The following LRPAP1 variants were observed in gnomAD, a reference collection of about 807,000 sequenced individuals.
LRPAP1 encodes alpha-2-macroglobulin receptor-associated protein.
Under a neutral mutation model 39.9 loss-of-function variants are expected in LRPAP1, and 41 were observed. That is an observed-to-expected ratio of 1.03 (90% confidence interval 0.80 to 1.33). The LOEUF is 1.33. Ranked by LOEUF, LRPAP1 falls within the 40% of genes most tolerant of loss-of-function variation. The pLI is 0.00. For missense variants in LRPAP1, 565 were observed against 482.3 expected, an observed-to-expected ratio of 1.17 and a Z score of -1.61; for synonymous variants, 263 against 212.7, an observed-to-expected ratio of 1.24 and a Z score of -2.06.
At chr4:3,523,222 C>T (rs886112465) in intron 2 of LRPAP1, among the ~76,000 whole-genome samples, 2 of 152,136 alleles carry the variant, frequency 1.3e-5, no homozygotes, top group Non-Finnish European at 2.9e-5. Flanking sequence ...TCCTCCAGGC[C>T]CCGAATGCTG....
Position 3,511,309 on chromosome 4 carries a change from C to T in LRPAP1, c.*1665G>A, listed in dbSNP as rs774228600. 3 of 140,204 alleles carry T rather than the reference C, an allele frequency of 2.1e-5. No individual in the cohort carries two copies. The highest frequency in any genetic ancestry group is 3.0e-5 in the Non-Finnish European group (2 of 66,620). 8.7% of individuals were successfully genotyped at this position (140,204 alleles called of 1,614,324 possible). On this transcript the variant is annotated 3_prime_UTR_variant, in exon 8 of 8. Coordinates refer to ENST00000650182, the MANE Select transcript of LRPAP1 (RefSeq NM_002337.4). ...TGTTATTACCCCAGAAAGGAAGCAA[C>T]TCAAATATCCACCCACAATAAAGTG...
chr4:3,527,295 C>A (rs1206946601), intron 1 of LRPAP1, among the ~76,000 whole-genome samples: 1 of 152,156 alleles, frequency 6.6e-6, no homozygotes, highest in South Asian at 2.1e-4. Flanking sequence ...GTGCCCTGGA[C>A]ACTTGCCTGC....
chr4:3,523,336 A>G (rs1729976960), intron 2 of LRPAP1, among the ~76,000 whole-genome samples: 2 of 152,144 alleles, frequency 1.3e-5, no homozygotes, highest in South Asian at 4.1e-4. Context: ...GGACGCAACC[A>G]TCCAGAATTG....
At chr4:3,514,968 G>A (rs769626884) in intron 6 of LRPAP1, 40 bp from the exon 7 acceptor site, 6 of 1,598,186 alleles carry the variant, frequency 3.8e-6, no homozygotes, top group Non-Finnish European at 5.1e-6. Context: ...CCCTTCCCGT[G>A]CTCGCCACGC....
chr4:3,518,201 C>T lies in LRPAP1; in HGVS notation c.593-9G>A, dbSNP rs762806531. On this transcript the variant is annotated splice_polypyrimidine_tract_variant and intron_variant, in intron 4 of 7. Coordinates refer to ENST00000650182, the MANE Select transcript of LRPAP1 (RefSeq NM_002337.4). ...GACGTTCTCGTGGATTTCTGTAAAA[C>T]CGAAGGCAGGACGCCATGAGGCTGG... is the stretch of plus-strand genomic sequence containing the variant. 9 of 1,606,098 alleles carry T rather than the reference C, an allele frequency of 5.6e-6. No individual in the cohort carries two copies. The highest frequency in any genetic ancestry group is 1.7e-5 in the Admixed American group (1 of 59,668).
rs1407785591 is a variant in LRPAP1 at position 3,511,930 on chromosome 4, CGGG to C, written c.*1041_*1043del. On this transcript the variant is annotated 3_prime_UTR_variant, in exon 8 of 8. Transcript: ENST00000650182. ...CCCGAGCCTCTTCCAGGCTCAGACA[CGGG>C]AAGGGAACCACGCTCGGAGCCGGAC... The C allele has an allele frequency of 2.6e-3, 77 of 29,610 alleles. 29 individuals are homozygous for C. The highest frequency in any genetic ancestry group is 2.8e-3 in the East Asian group (4 of 1,414). 1.8% of individuals were successfully genotyped at this position (29,610 alleles called of 1,614,324 possible).
chr4:3,517,321 G>A (rs73793981), intron 5 of LRPAP1, among the ~76,000 whole-genome samples: 1,530 of 152,354 alleles, frequency 0.01, 26 homozygotes, highest in African/African-American at 0.035. Flanking sequence ...CCTGGCACCG[G>A]GGACAGAGAC....
At chr4:3,516,419 C>T (rs1729706196) in intron 5 of LRPAP1, among the ~76,000 whole-genome samples, 1 of 152,270 alleles carries the variant, frequency 6.6e-6, no homozygotes, top group Non-Finnish European at 1.5e-5. Context: ...TCTCTGTCCC[C>T]TTGGCCAAAC....
In LRPAP1 at chr4:3,530,843, G is replaced by A. The variant is rs190115998; in HGVS notation, c.204+1366C>T. On this transcript the variant is annotated intron_variant, in intron 1 of 7. Coordinates refer to ENST00000650182, the MANE Select transcript of LRPAP1 (RefSeq NM_002337.4). ...AAGACTTGGGCCAGCACCCAAAAGG[G>A]AGCCGCTGGGGTTCCTGGGTCCGAG... is the stretch of plus-strand genomic sequence containing the variant. 2.3e-3 allele frequency among the ~76,000 whole-genome samples: 356 copies of A among 152,260 alleles called. 3 individuals are homozygous for A. Among genetic ancestry groups the A allele is most frequent in the Non-Finnish European group, 4.1e-3 (279 of 67,998 alleles).
chr4:3,507,807 G>A lies in LRPAP1; in HGVS notation c.*5167C>T, dbSNP rs1319944772. 6.6e-6 allele frequency: 1 copy of A among 152,166 alleles called. No homozygotes were observed. The highest frequency in any genetic ancestry group is 1.5e-5 in the Non-Finnish European group (1 of 68,020). 9.4% of individuals were successfully genotyped at this position (152,166 alleles called of 1,614,324 possible). On this transcript the variant is annotated 3_prime_UTR_variant, in exon 8 of 8. Coordinates refer to ENST00000650182, the MANE Select transcript of LRPAP1 (RefSeq NM_002337.4). ...GTAGGTTTCTTTGGGGAAAATATCT[G>A]TAAAAATGATAAACTCTTAGCTAGT...
At position 3,524,964 on chromosome 4, in the gene LRPAP1, G is replaced by A. The variant is rs1730035290; in HGVS notation, c.292C>T (p.Leu98Phe). ...RDELAWKKLK[L>F]DGLDEDGEKE... Reference sequence around the variant, plus strand: ...TCCCCATCTTCGTCCAAGCCGTCAAGCTTTAGTTTCTTCCAGGCGAGTTCG... The same window carrying A: ...TCCCCATCTTCGTCCAAGCCGTCAAACTTTAGTTTCTTCCAGGCGAGTTCG... Residue 98 changes from leucine to phenylalanine, a missense_variant, in exon 2 of 8, where the codon CTT becomes TTT. By Grantham distance (22) the Leu-to-Phe change is conservative (BLOSUM62 0). Coordinates refer to ENST00000650182, the MANE Select transcript of LRPAP1 (RefSeq NM_002337.4). 1.2e-6 allele frequency: 2 copies of A among 1,614,056 alleles called. No individual in the cohort carries two copies. Among genetic ancestry groups the A allele is most frequent in the African/African-American group, 2.7e-5 (2 of 74,934 alleles).
rs1427605305 is a variant in LRPAP1, at chr4:3,524,165, G to C, written c.349+742C>G. Among the ~76,000 whole-genome samples the C allele has an allele frequency of 3.9e-5, 6 of 152,286 alleles. No individual in the cohort carries two copies. The South Asian group carries it at 1.2e-3, about 32-fold the overall frequency. On this transcript the variant is annotated intron_variant, in intron 2 of 7. Transcript: ENST00000650182. The stretch of plus-strand genomic sequence containing the variant: ...CTCTGCCCGCCAGTGCCCTGCCGAC[G>C]GGCCCGTGGTGAGGGAGGATGGCGG...
chr4:3,504,925 C>A lies in LRPAP1; in HGVS notation c.*8049G>T, dbSNP rs930399018. Among the ~76,000 whole-genome samples, 1 of 149,540 alleles carries A rather than the reference C, an allele frequency of 6.7e-6. No homozygotes were observed. The highest frequency in any genetic ancestry group is 2.5e-5 in the African/African-American group (1 of 40,616). On this transcript the variant is annotated 3_prime_UTR_variant, in exon 8 of 8. Transcript: ENST00000650182. ...TCGCACCAACGCACTCCAGCCTGGG[C>A]GACAGAGCAAGACTCCGTCTCAAGA...
intron 4 of LRPAP1, 151 bp from the exon 5 acceptor site, chr4:3,518,343 G>A (rs1472241149): frequency 7.2e-6 from 6 of 827,706 alleles, no homozygotes; most frequent in Non-Finnish European, 9.0e-6. Context: ...CAGCGCCGCA[G>A]AAACGACCGT....
chr4:3,512,342 CCA>C lies in LRPAP1; in HGVS notation c.*630_*631del, dbSNP rs1244230239. 1.3e-5 allele frequency: 2 copies of C among 152,532 alleles called. No individual in the cohort carries two copies. Among genetic ancestry groups the C allele is most frequent in the South Asian group, 2.1e-4 (1 of 4,846 alleles). The allele number at this position is 152,532 out of a possible 1,614,324, so 9.4% of individuals were successfully genotyped here. A position where few individuals can be genotyped will look rare whatever the true frequency, so the allele number is the denominator to read the frequency against. Reference sequence around the variant, plus strand: ...AGAGTTGAAAGACGCTGCCCCCAGGCCACAGTCTCTGACTGTCCACAGAACCA... The same window carrying C: ...AGAGTTGAAAGACGCTGCCCCCAGGCCAGTCTCTGACTGTCCACAGAACCA... On this transcript the variant is annotated 3_prime_UTR_variant, in exon 8 of 8. Transcript: ENST00000650182.
At chr4:3,524,259 C>G (rs1286014743) in intron 2 of LRPAP1, among the ~76,000 whole-genome samples, 1 of 152,224 alleles carries the variant, frequency 6.6e-6, no homozygotes, top group Non-Finnish European at 1.5e-5. Flanking sequence ...GAGGACACAC[C>G]TGTCTTCCGT....
chr4:3,520,104 C>A lies in LRPAP1; in HGVS notation c.439G>T (p.Asp147Tyr). 6.2e-7 allele frequency: 1 copy of A among 1,614,206 alleles called. No individual in the cohort carries two copies. ...SLSGTQEDGL[D>Y]DPRLEKLWHK... The stretch of plus-strand genomic sequence containing the variant: ...CACAGCTTTTCCAGCCTGGGGTCAT[C>A]CAGCCCGTCTTCCTGGGTGCCACTG... Residue 147 changes from aspartate to tyrosine, a missense_variant, in exon 3 of 8, where the codon GAT becomes TAT. Physicochemically the swap from Asp to Tyr is radical, Grantham distance 160. Transcript: ENST00000650182.
At chr4:3,516,305 G>A (rs1435685890) in intron 5 of LRPAP1, 107 bp from the exon 6 acceptor site, 11 of 812,154 alleles carry the variant, frequency 1.4e-5, no homozygotes, top group Non-Finnish European at 1.8e-5. Flanking sequence ...GGGTTTGCAG[G>A]CGCGACCTGC....
In LRPAP1 at chr4:3,512,296, G is replaced by C. The variant is rs1341010787; in HGVS notation, c.*678C>G. 1 of 152,468 alleles carries C rather than the reference G, an allele frequency of 6.6e-6. No individual in the cohort carries two copies. Among genetic ancestry groups the C allele is most frequent in the East Asian group, 1.9e-4 (1 of 5,208 alleles). 9.4% of individuals were successfully genotyped at this position (152,468 alleles called of 1,614,324 possible). On this transcript the variant is annotated 3_prime_UTR_variant, in exon 8 of 8. Transcript: ENST00000650182. ...CTGCAGGTTTGGTGAGGTCTCCCGA[G>C]GTCCCTGAGCTGCAGAGGTGAGAGT...
Sources: gnomAD v4.1 joint callset for allele counts (sites outside exome capture counted in the v4.1 genomes callset) on GRCh38, gnomAD v4.1.1 for gene constraint, MANE v1.5 for transcripts, NCBI Gene and HGNC (gene_info 2026-07-23, HGNC 2026-07-21) for gene names.